HEATR4: variants seen among roughly 807,000 people sequenced by gnomAD.
HEATR4 encodes HEAT repeat-containing protein 4.
HEATR4 carries 95 observed loss-of-function variants against 108.8 expected under a neutral mutation model. That is an observed-to-expected ratio of 0.87 (90% CI 0.74 to 1.04). The LOEUF (loss-of-function observed/expected upper bound fraction) is 1.04, where lower values mean the gene tolerates loss of function less well. Ranked by LOEUF, HEATR4 falls within the 50% of genes least tolerant of loss-of-function variation. HEATR4 has a pLI of 0.00. For synonymous variants in HEATR4, 443 were observed against 459.4 expected (o/e 0.96, Z 0.46); for missense variants, 1,152 against 1,253.8 (o/e 0.92, Z 1.23).
At chr14:73,501,327 A>G (rs549025896) in intron 11 of HEATR4, among the ~76,000 whole-genome samples, 28 of 151,886 alleles carry the variant, frequency 1.8e-4, no homozygotes, top group Admixed American at 3.9e-4. Flanking sequence ...GGGTTTCACT[A>G]TGTTAGCCAG....
Position 73,543,729 on chromosome 14 carries a change from T to G in HEATR4, c.-151-13485A>C, listed in dbSNP as rs1274091929. On this transcript the variant is annotated intron_variant, in intron 1 of 17. Transcript: ENST00000553558. ...ATCTGCCACATTTAGTGTGTGTATG[T>G]GTATTCATTCTTTCTCATAACTTCT... 5 of 741,760 alleles carry G rather than the reference T, an allele frequency of 6.7e-6. 1 individual carries two copies. The highest frequency in any genetic ancestry group is 6.7e-5 in the African/African-American group (4 of 60,120). 45.9% of individuals were successfully genotyped at this position (741,760 alleles called of 1,614,324 possible).
At chr14:73,520,510 C>T (rs1887908922) in intron 4 of HEATR4, 2 of 189,844 alleles carry the variant, frequency 1.1e-5, no homozygotes, top group African/African-American at 2.3e-5. Flanking sequence ...GAGAATATCT[C>T]GAAGTGGGAG....
chr14:73,589,181 C>T, the HEATR4 span, among the ~76,000 whole-genome samples: 1 of 152,174 alleles, frequency 6.6e-6, no homozygotes, highest in African/African-American at 2.4e-5. Flanking sequence ...TCCACCATTA[C>T]AGTATCATAC....
the HEATR4 span, among the ~76,000 whole-genome samples, chr14:73,614,026 CAAAAAAAAAAAAA>C: frequency 2.7e-4 from 25 of 92,964 alleles, no homozygotes; most frequent in Middle Eastern, 9.6e-3. Flanking sequence ...TCTGTCTCTA[CAAAAAAAAAAAAA>C]AAAAAAAAAA....
chr14:73,505,973 C>T (rs1193914515), intron 10 of HEATR4, among the ~76,000 whole-genome samples: 1 of 149,736 alleles, frequency 6.7e-6, no homozygotes, highest in Non-Finnish European at 1.5e-5. Context: ...TCACTGCAAC[C>T]TCTGCCTCCT....
upstream of HEATR4, among the ~76,000 whole-genome samples, chr14:73,562,132 G>T (rs1017702242): frequency 6.6e-5 from 10 of 152,002 alleles, no homozygotes; most frequent in Non-Finnish European, 1.3e-4. Flanking sequence ...ACAGGAAGTG[G>T]AATAGTGGTT....
rs74248143 is a variant in HEATR4 at position 73,515,221 on chromosome 14, C to A, written c.1211-987G>T. ...AAAACATTTCCAGATGTACTAAATT[C>A]ATTATTCACACTGCCTATTAGTCTC... On this transcript the variant is annotated intron_variant, in intron 5 of 17. Coordinates refer to ENST00000553558, the MANE Select transcript of HEATR4 (RefSeq NM_001220484.1). 6.8e-3 allele frequency among the ~76,000 whole-genome samples: 1,033 copies of A among 152,216 alleles called. 22 individuals are homozygous for A. The highest frequency in any genetic ancestry group is 0.038 in the East Asian group (199 of 5,188).
At chr14:73,632,068 C>A in the HEATR4 span, 1 of 152,232 alleles carries the variant, frequency 6.6e-6, no homozygotes, top group Non-Finnish European at 1.5e-5. Flanking sequence ...CTAAGACTCC[C>A]TCATTCCTAT....
At chr14:73,488,301 C>T (rs1239686611) in intron 17 of HEATR4, among the ~76,000 whole-genome samples, 1 of 152,132 alleles carries the variant, frequency 6.6e-6, no homozygotes, top group Non-Finnish European at 1.5e-5. Flanking sequence ...GACGGAGTCT[C>T]GCTGTGTCGC....
chr14:73,495,159 A>G, intron 16 of HEATR4, 69 bp downstream of exon 16: 8 of 1,446,134 alleles, frequency 5.5e-6, no homozygotes, highest in Non-Finnish European at 7.6e-6. Flanking sequence ...CTAAGTCCCA[A>G]AACATCCAGA....
chr14:73,568,463 T>C, the HEATR4 span, among the ~76,000 whole-genome samples: 3 of 151,260 alleles, frequency 2.0e-5, no homozygotes, highest in Non-Finnish European at 4.4e-5. Flanking sequence ...AGAGGCTGAG[T>C]CAGGAAGATG....
rs1297672909 is a variant in HEATR4, at chr14:73,544,767, T to C, written c.-152+13984A>G. On this transcript the variant is annotated intron_variant, in intron 1 of 17. Coordinates refer to ENST00000553558, the MANE Select transcript of HEATR4 (RefSeq NM_001220484.1). ...GCCTGGGCAACATGGCAAAACCCCG[T>C]CTCTACAAACAAATACCAGACATTG... is the stretch of plus-strand genomic sequence containing the variant. Among the ~76,000 whole-genome samples the C allele has an allele frequency of 1.8e-5, 2 of 112,896 alleles. 1 individual carries two copies. Among genetic ancestry groups the C allele is most frequent in the Non-Finnish European group, 3.8e-5 (2 of 52,040 alleles). 74.1% of individuals were successfully genotyped at this position (112,896 alleles called of 152,430 possible).
rs755395364 is a variant in HEATR4, at chr14:73,500,608, G to C, written c.2228C>G (p.Thr743Arg). The C allele has an allele frequency of 2.5e-6, 4 of 1,614,142 alleles. No homozygotes were observed. The Admixed American group carries it at 5.0e-5, about 20-fold the overall frequency. ...SFLHCFSDDFTAVRRAACLAA... is the reference protein window; with the variant it reads ...SFLHCFSDDFRAVRRAACLAA... ...CAAACAGGCTGCCCGCCGAACTGCT[G>C]TGAAGTCATCAGAGAAGCAGTGCAG... Residue 743 changes from threonine to arginine, a missense_variant, in exon 12 of 18, where the codon ACA becomes AGA. Coordinates refer to ENST00000553558, the MANE Select transcript of HEATR4 (RefSeq NM_001220484.1).
At chr14:73,604,739 T>C in the HEATR4 span, among the ~76,000 whole-genome samples, 4 of 151,952 alleles carry the variant, frequency 2.6e-5, no homozygotes, top group African/African-American at 9.7e-5. Flanking sequence ...CCACCAGCCT[T>C]GGCCTCCCAA....
chr14:73,508,298 C>A lies in HEATR4; in HGVS notation c.1721-4G>T. 1 of 1,613,128 alleles carries A rather than the reference C, an allele frequency of 6.2e-7. No homozygotes were observed. The highest frequency in any genetic ancestry group is 8.5e-7 in the Non-Finnish European group (1 of 1,179,698). On this transcript the variant is annotated splice_region_variant and splice_polypyrimidine_tract_variant and intron_variant, in intron 8 of 17. Coordinates refer to ENST00000553558, the MANE Select transcript of HEATR4 (RefSeq NM_001220484.1). ...GCCCAGCTATCCACACTGTTACCTG[C>A]CACAGTTGGGTGAAAAAGAGTTCAG...
intron 17 of HEATR4, among the ~76,000 whole-genome samples, chr14:73,486,217 T>C (rs1417794944): frequency 6.6e-6 from 1 of 152,212 alleles, no homozygotes; most frequent in Admixed American, 6.5e-5. Flanking sequence ...CCCTCAATGC[T>C]AGTAGCACCC....
the HEATR4 span, among the ~76,000 whole-genome samples, chr14:73,620,517 C>T: frequency 6.6e-6 from 1 of 152,120 alleles, no homozygotes; most frequent in Non-Finnish European, 1.5e-5. Context: ...CTGACCACGT[C>T]TGAGTCTTGG....
intron 5 of HEATR4, among the ~76,000 whole-genome samples, chr14:73,515,452 G>T (rs1490684296): frequency 6.6e-6 from 1 of 151,956 alleles, no homozygotes; most frequent in Non-Finnish European, 1.5e-5. Flanking sequence ...GGCCAAAGCG[G>T]GTGGATCACT....
upstream of HEATR4, among the ~76,000 whole-genome samples, chr14:73,559,456 C>T (rs1216420677): frequency 6.6e-6 from 1 of 151,788 alleles, no homozygotes; most frequent in Admixed American, 6.6e-5. Flanking sequence ...CTCAGCCAGG[C>T]GCGATGGCTC....
Sources: gnomAD v4.1 joint callset for allele counts (sites outside exome capture counted in the v4.1 genomes callset) on GRCh38, gnomAD v4.1.1 for gene constraint, MANE v1.5 for transcripts, NCBI Gene and HGNC (gene_info 2026-07-23, HGNC 2026-07-21) for gene names.